Variants in TMED7 observed in about 807,000 individuals in gnomAD.
TMED7 encodes transmembrane p24 trafficking protein 7, also known as transmembrane emp24 domain-containing protein 7.
In TMED7, 8 loss-of-function variants were observed where a neutral mutation model predicts 23.4. That is an observed-to-expected ratio of 0.34 (90% CI 0.20 to 0.62). TMED7 has a LOEUF of 0.62. Among genes scored for constraint, TMED7 ranks in the 20% least tolerant of loss-of-function variants. The pLI is 0.77. For synonymous variants in TMED7, 121 were observed against 108.5 expected, an observed-to-expected ratio of 1.12 and a Z score of -0.72; for missense variants, 232 against 279.1, an observed-to-expected ratio of 0.83 and a Z score of 1.20.
At chr5:115,621,586 G>A (rs562697955) in intron 1 of TMED7, among the ~76,000 whole-genome samples, 2 of 152,304 alleles carry the variant, frequency 1.3e-5, no homozygotes, top group East Asian at 3.9e-4. Context: ...CACGGCTTAT[G>A]CTTAATCAGT....
At position 115,620,700 on chromosome 5, in the gene TMED7, A is replaced by G. The variant is rs1408751254; in HGVS notation, c.193-20T>C. 1 of 1,371,418 alleles carries G rather than the reference A, an allele frequency of 7.3e-7. No individual in the cohort carries two copies. Among genetic ancestry groups the G allele is most frequent in the Non-Finnish European group, 9.5e-7 (1 of 1,055,044 alleles). 85.0% of individuals were successfully genotyped at this position (1,371,418 alleles called of 1,614,324 possible). On this transcript the variant is annotated intron_variant, in intron 1 of 2. Coordinates refer to ENST00000456936, the MANE Select transcript of TMED7 (RefSeq NM_181836.6). ...AATCACCTGTAAGAGATTAAAAAAG[A>G]AAAATCACTGTGAAAAGTGTGAAAA...
Position 115,616,303 on chromosome 5 carries a change from G to A in TMED7, c.581C>T (p.Ala194Val). The A allele has an allele frequency of 6.2e-7, 1 of 1,614,164 alleles. No individual in the cohort carries two copies. Among genetic ancestry groups the A allele is most frequent in the Non-Finnish European group, 8.5e-7 (1 of 1,180,008 alleles). The change falls in exon 3 of 3, where the codon GCC (alanine) becomes GTC (valine). Residue 194 changes from alanine (A) to valine (V), a missense_variant. Ala to Val is a moderately conservative substitution (Grantham distance 64). Coordinates refer to ENST00000456936, the MANE Select transcript of TMED7 (RefSeq NM_181836.6). ...TATGCTAACCACCAGAAGAATGAGG[G>A]CTTCTCCTACTGACCAATAGGCCAC... ...TRVAYWSVGEALILLVVSIGQ... is the reference protein window; with the variant it reads ...TRVAYWSVGEVLILLVVSIGQ...
rs1048340774 is a variant in TMED7, at chr5:115,614,933, A to G, written c.*1276T>C. On this transcript the variant is annotated 3_prime_UTR_variant, in exon 3 of 3. Coordinates refer to ENST00000456936, the MANE Select transcript of TMED7 (RefSeq NM_181836.6). ...AGAAAAGCAGTTGCAATTAAAAAAAAAAAAAACAGCAGAAAAGCTTTAAAT... is the reference window on the plus strand; with the variant it reads ...AGAAAAGCAGTTGCAATTAAAAAAAGAAAAAACAGCAGAAAAGCTTTAAAT... The G allele has an allele frequency of 1.3e-5, 2 of 152,014 alleles. No individual in the cohort carries two copies. Among genetic ancestry groups the G allele is most frequent in the Non-Finnish European group, 2.9e-5 (2 of 67,942 alleles). 9.4% of individuals were successfully genotyped at this position (152,014 alleles called of 1,614,324 possible).
chr5:115,620,477 T>C lies in TMED7; in HGVS notation c.396A>G (p.Pro132=), dbSNP rs1395049992. ...VYFDFQVGED[P]PLFPSENRVS... ...CTCGGTTCTCACTAGGAAACAAAGG[T>C]GGGTCTTCTCCAACTTGAAAATCAA... Residue 132 remains proline (P), a synonymous_variant, in exon 2 of 3, where the codon CCA becomes CCG. Coordinates refer to ENST00000456936, the MANE Select transcript of TMED7 (RefSeq NM_181836.6). 4 of 1,586,254 alleles carry C rather than the reference T, an allele frequency of 2.5e-6. No homozygotes were observed. Among genetic ancestry groups the C allele is most frequent in the Non-Finnish European group, 3.4e-6 (4 of 1,166,710 alleles).
At position 115,625,741 on chromosome 5, in the gene TMED7, C is replaced by A. The variant is rs1229208681; in HGVS notation, c.52G>T (p.Gly18Trp). ...QRWAAVAGRWGCRLLALLLLV... is the reference protein window; with the variant it reads ...QRWAAVAGRWWCRLLALLLLV... ...AGCAGCAGTGCGAGCAGCCTGCACC[C>A]CCAACGGCCCGCGACGGCCGCCCAG... The change falls in exon 1 of 3, where the codon GGG (glycine) becomes TGG (tryptophan). Residue 18 changes from glycine to tryptophan, a missense_variant. Coordinates refer to ENST00000456936, the MANE Select transcript of TMED7 (RefSeq NM_181836.6). The A allele has an allele frequency of 3.2e-6, 5 of 1,562,502 alleles. No homozygotes were observed. The Admixed American group carries it at 7.6e-5, about 24-fold the overall frequency.
intron 2 of TMED7, among the ~76,000 whole-genome samples, chr5:115,619,862 T>C (rs1050693852): frequency 6.6e-6 from 1 of 152,174 alleles, no homozygotes; most frequent in East Asian, 1.9e-4. Flanking sequence ...TTTAAATTTT[T>C]TACGCTTTCT....
chr5:115,625,948 C>A lies in TMED7; in HGVS notation c.-156G>T, dbSNP rs1757202792. On this transcript the variant is annotated 5_prime_UTR_variant, in exon 1 of 3. In the 5' UTR this introduces an upstream ATG that the reference lacks. Coordinates refer to ENST00000456936, the MANE Select transcript of TMED7 (RefSeq NM_181836.6). ...TGGGAGATTCGGGATCAGAGCGACC[C>A]TCCGGCTTCCTGTGAGGGGCGCAGA... is the stretch of plus-strand genomic sequence containing the variant. The A allele has an allele frequency of 2.8e-6, 3 of 1,090,314 alleles. No individual in the cohort carries two copies. The highest frequency in any genetic ancestry group is 3.5e-6 in the Non-Finnish European group (3 of 849,260). The allele number at this position is 1,090,314 out of a possible 1,614,324, so 67.5% of individuals were successfully genotyped here.
In TMED7 at chr5:115,625,706, A is replaced by C; in HGVS notation, c.87T>G (p.Pro29=). The change falls in exon 1 of 3, where the codon CCT becomes CCG. Residue 29 remains proline (P), a synonymous_variant. Transcript: ENST00000456936. ...TGATCTCAGAGGCGCCGCCGGGTCC[A>C]GGCACCAGTAGCAGCAGTGCGAGCA... ...CRLLALLLLV[P]GPGGASEITF... 1 of 1,602,604 alleles carries C rather than the reference A, an allele frequency of 6.2e-7. No individual in the cohort carries two copies. Among genetic ancestry groups the C allele is most frequent in the South Asian group, 1.1e-5 (1 of 89,246 alleles).
rs565742427 is a variant in TMED7 at position 115,625,535 on chromosome 5, C to T, written c.192+66G>A. ...GAAACACGGACAGGAAAGTGCCATC[C>T]CTCAAGTTACACCCCCAATCCTGGA... On this transcript the variant is annotated intron_variant, in intron 1 of 2. Transcript: ENST00000456936. The T allele has an allele frequency of 8.5e-6, 12 of 1,410,812 alleles. No homozygotes were observed. The South Asian group carries it at 1.3e-4, about 15-fold the overall frequency. 87.4% of individuals were successfully genotyped at this position (1,410,812 alleles called of 1,614,324 possible).
intron 2 of TMED7, 146 bp downstream of exon 2, chr5:115,620,289 G>T (rs1165626275): frequency 8.9e-7 from 1 of 1,123,050 alleles, no homozygotes; most frequent in Non-Finnish European, 1.1e-6. Context: ...AGTTCTCTGT[G>T]AAATGCCTAC....
Position 115,616,149 on chromosome 5 carries a change from A to C in TMED7, c.*60T>G. On this transcript the variant is annotated 3_prime_UTR_variant, in exon 3 of 3. Transcript: ENST00000456936. ...CCAATATTAAGTTCTTCAGTACCTA[A>C]AATTAATTAGAGGACAGCAATATTA... The C allele has an allele frequency of 6.6e-7, 1 of 1,526,160 alleles. No homozygotes were observed. The highest frequency in any genetic ancestry group is 9.0e-7 in the Non-Finnish European group (1 of 1,105,636). 94.5% of individuals were successfully genotyped at this position (1,526,160 alleles called of 1,614,324 possible).
chr5:115,620,842 C>T lies in TMED7; in HGVS notation c.193-162G>A, dbSNP rs1380378255. Reference sequence around the variant, plus strand: ...TGGAACTTGGGAGATTTTACTTCAACTAAACTTTACAGAAACTGAACAAGT... The same window carrying T: ...TGGAACTTGGGAGATTTTACTTCAATTAAACTTTACAGAAACTGAACAAGT... On this transcript the variant is annotated intron_variant, in intron 1 of 2. Coordinates refer to ENST00000456936, the MANE Select transcript of TMED7 (RefSeq NM_181836.6). 3.9e-5 allele frequency among the ~76,000 whole-genome samples: 6 copies of T among 152,156 alleles called. 1 individual carries two copies. The South Asian group carries it at 8.3e-4, about 21-fold the overall frequency.
In TMED7 at chr5:115,625,840, A is replaced by T. The variant is rs1363983130; in HGVS notation, c.-48T>A. ...CAACCGAGCTGCGAGACGCAGGGTC[A>T]GGTCTGCGCGGACTCACCGCGCGCG... On this transcript the variant is annotated 5_prime_UTR_variant, in exon 1 of 3. Coordinates refer to ENST00000456936, the MANE Select transcript of TMED7 (RefSeq NM_181836.6). The T allele has an allele frequency of 1.5e-6, 2 of 1,356,738 alleles. No homozygotes were observed. Among genetic ancestry groups the T allele is most frequent in the African/African-American group, 1.5e-5 (1 of 64,762 alleles). 84.0% of individuals were successfully genotyped at this position (1,356,738 alleles called of 1,614,324 possible). A position where few individuals can be genotyped will look rare whatever the true frequency, so the allele number is the denominator to read the frequency against.
Position 115,620,593 on chromosome 5 carries a change from C to T in TMED7, c.280G>A (p.Asp94Asn), listed in dbSNP as rs752449570. The change falls in exon 2 of 3, where the codon GAT (aspartate) becomes AAT (asparagine). Residue 94 changes from aspartate (D) to asparagine (N), a missense_variant. This residue lies in a region of TMED7 where 126 missense variants were observed against 182.1 expected (regional missense o/e 0.69). Coordinates refer to ENST00000456936, the MANE Select transcript of TMED7 (RefSeq NM_181836.6). ...TTGGAGGCTGTGAAGGTAAAACTAT[C>T]ATACTGTTTCTTCATCTCTTTGTAT... ...VLYKEMKKQY[D>N]SFTFTASKNG... The T allele has an allele frequency of 5.6e-6, 9 of 1,603,924 alleles. No individual in the cohort carries two copies. In the African/African-American group the frequency reaches 1.1e-4, roughly 19 times the overall value.
Position 115,625,687 on chromosome 5 carries a change from C to G in TMED7, c.106G>C (p.Glu36Gln). ...TTGTCAGGAAGCTCGAAGGTGATCTCAGAGGCGCCGCCGGGTCCAGGCACC... is the reference window on the plus strand; with the variant it reads ...TTGTCAGGAAGCTCGAAGGTGATCTGAGAGGCGCCGCCGGGTCCAGGCACC... ...LLVPGPGGAS[E>Q]ITFELPDNAK... The change falls in exon 1 of 3, where the codon GAG becomes CAG. Residue 36 changes from glutamate to glutamine, a missense_variant. Physicochemically the swap from Glu to Gln is conservative, Grantham distance 29 (BLOSUM62 2). Coordinates refer to ENST00000456936, the MANE Select transcript of TMED7 (RefSeq NM_181836.6). 1.2e-6 allele frequency: 2 copies of G among 1,603,214 alleles called. No individual in the cohort carries two copies. Among genetic ancestry groups the G allele is most frequent in the South Asian group, 2.2e-5 (2 of 89,324 alleles).
chr5:115,616,591 T>C (rs928983825), intron 2 of TMED7, 146 bp from the exon 3 acceptor site: 1 of 1,226,004 alleles, frequency 8.2e-7, no homozygotes, highest in African/African-American at 1.5e-5. Flanking sequence ...TTATGCCAGT[T>C]GTCTTTGCAA....
chr5:115,621,252 T>TTA (rs1757019008), intron 1 of TMED7, among the ~76,000 whole-genome samples: 1 of 152,210 alleles, frequency 6.6e-6, no homozygotes, highest in Non-Finnish European at 1.5e-5. Context: ...TACTGCCAAA[T>TTA]TACAAATAGA....
At chr5:115,625,543 T>TAA in intron 1 of TMED7, 58 bp downstream of exon 1, 1 of 1,437,004 alleles carries the variant, frequency 7.0e-7, no homozygotes, top group Non-Finnish European at 9.2e-7. Context: ...TCCCTCAAGT[T>TAA]ACACCCCCAA....
chr5:115,620,778 AAAGGACTT>A (rs2112574586), intron 1 of TMED7, 98 bp from the exon 2 acceptor site: 1 of 1,265,872 alleles, frequency 7.9e-7, no homozygotes, highest in Admixed American at 4.0e-5. Flanking sequence ...GGTGATGGGC[AAAGGACTT>A]TTACTATCTT....
Sources: gnomAD v4.1 joint callset for allele counts (sites outside exome capture counted in the v4.1 genomes callset) on GRCh38, gnomAD v4.1.1 for gene constraint, gnomAD v4.1.1 regional missense constraint, MANE v1.5 for transcripts, NCBI Gene and HGNC (gene_info 2026-07-23, HGNC 2026-07-21) for gene names.